ABL1: variants seen among roughly 807,000 people sequenced by gnomAD.
The protein encoded by ABL1 is tyrosine-protein kinase ABL1.
A neutral mutation model predicts 94.7 loss-of-function variants in ABL1; 11 were observed. The ratio of observed to expected loss-of-function variants is 0.12; its 90% CI spans 0.07 to 0.19. The LOEUF is 0.19. Ranked by LOEUF, ABL1 falls within the 10% of genes least tolerant of loss-of-function variation. The pLI is 1.00. For synonymous variants in ABL1, 656 were observed against 622.4 expected, an observed-to-expected ratio of 1.05 and a Z score of -0.80; for missense variants, 1,082 against 1,489.4, an observed-to-expected ratio of 0.73 and a Z score of 4.50.
rs893485203 is a variant in ABL1, at chr9:130,732,432, T to C, written c.136+17977T>C. On this transcript the variant is annotated intron_variant, in intron 1 of 10. Transcript: ENST00000372348. ...TGTTAAGCAGTGGAGAGACCCCTGGTGGAGCCAGCAGTATCCTTTATCTAT... is the reference window on the plus strand; with the variant it reads ...TGTTAAGCAGTGGAGAGACCCCTGGCGGAGCCAGCAGTATCCTTTATCTAT... Among the ~76,000 whole-genome samples, 7 of 152,260 alleles carry C rather than the reference T, an allele frequency of 4.6e-5. No individual in the cohort carries two copies. The East Asian group carries it at 1.3e-3, about 29-fold the overall frequency.
intron 1 of ABL1, among the ~76,000 whole-genome samples, chr9:130,740,513 T>C (rs1305799452): frequency 6.6e-6 from 1 of 152,238 alleles, no homozygotes; most frequent in Admixed American, 6.5e-5. Flanking sequence ...TTGGCTCCAT[T>C]TTTCCATCGG....
At chr9:130,722,518 C>G (rs1205364862) in intron 1 of ABL1, among the ~76,000 whole-genome samples, 2 of 152,128 alleles carry the variant, frequency 1.3e-5, no homozygotes, top group African/African-American at 4.8e-5. Context: ...GAGACAGGGT[C>G]TTGCTTTGTC....
intron 1 of ABL1, among the ~76,000 whole-genome samples, chr9:130,724,032 G>A (rs1020568539): frequency 6.6e-6 from 1 of 152,024 alleles, no homozygotes; most frequent in Non-Finnish European, 1.5e-5. Context: ...GTATGGTCTC[G>A]ATCTCCTGAC....
At chr9:130,784,899 G>C (rs1829806306) in intron 1 of ABL1, among the ~76,000 whole-genome samples, 1 of 152,202 alleles carries the variant, frequency 6.6e-6, no homozygotes, top group African/African-American at 2.4e-5. Context: ...AGCCATCCGT[G>C]TTGGGATGAG....
chr9:130,725,314 A>T (rs978025442), intron 1 of ABL1, among the ~76,000 whole-genome samples: 1 of 152,172 alleles, frequency 6.6e-6, no homozygotes, highest in African/African-American at 2.4e-5. Flanking sequence ...CTAGGACTTC[A>T]TATAACTATA....
chr9:130,786,327 G>T (rs934792673), intron 1 of ABL1, among the ~76,000 whole-genome samples: 5 of 152,194 alleles, frequency 3.3e-5, no homozygotes, highest in Non-Finnish European at 7.4e-5. Flanking sequence ...TAGATAAGGA[G>T]GTGGTTCAGA....
At position 130,835,845 on chromosome 9, in the gene ABL1, G is replaced by C. The variant is rs1206146985; in HGVS notation, c.79+320G>C. Among the ~76,000 whole-genome samples the C allele has an allele frequency of 6.6e-6, 1 of 152,246 alleles. No individual in the cohort carries two copies. The highest frequency in any genetic ancestry group is 1.9e-4 in the East Asian group (1 of 5,200). On this transcript the variant is annotated intron_variant, in intron 1 of 10. Transcript: ENST00000318560. The surrounding 1 kb of genome is among the most constrained non-coding windows in gnomAD (Gnocchi z 4.6). ...CAGCCCCGGCACCAGCCCCGGTAGA[G>C]CCACGCCGGATGGTGACGGCGGCGT...
At chr9:130,834,880 C>G, upstream of ABL1, 1 of 455,968 alleles carries the variant, frequency 2.2e-6, no homozygotes, top group Non-Finnish European at 4.4e-6. Flanking sequence ...CCAGCGTTCT[C>G]GGGTCAGAGG....
At position 130,884,601 on chromosome 9, in the gene ABL1, A is replaced by G. The variant is rs894289172; in HGVS notation, c.2311A>G (p.Arg771Gly). Reference sequence around the variant, plus strand: ...GCCTCGGAAGAGGGCAGGGGAGAACAGGTCTGACCAGGTGACCCGAGGCAC... The same window carrying G: ...GCCTCGGAAGAGGGCAGGGGAGAACGGGTCTGACCAGGTGACCCGAGGCAC... ...ALPRKRAGEN[R>G]SDQVTRGTVT... is the part of the protein sequence containing the mutation. Residue 771 changes from arginine (R) to glycine (G), a missense_variant, in exon 11 of 11, where the codon AGG becomes GGG. Arg to Gly is a moderately radical substitution (Grantham distance 125, BLOSUM62 -2). This residue lies in a region of ABL1 where 780 missense variants were observed against 835.8 expected (regional missense o/e 0.93). Coordinates refer to ENST00000318560, the MANE Select transcript of ABL1 (RefSeq NM_005157.6). This position sits in a 1 kb window ranked among gnomAD's most constrained non-coding sequence, Gnocchi z 5.6. 6 of 1,613,386 alleles carry G rather than the reference A, an allele frequency of 3.7e-6. No individual in the cohort carries two copies. The highest frequency in any genetic ancestry group is 1.3e-5 in the African/African-American group (1 of 75,066).
In ABL1 at chr9:130,798,739, C is replaced by T. The variant is rs990267212; in HGVS notation, c.137-55325C>T. On this transcript the variant is annotated intron_variant, in intron 1 of 10. Coordinates refer to the ABL1 transcript ENST00000372348. ...ATCCTGGGACTTTGGGAGGCTGAGGCGGGTGGATCACGAGGTCAGGAGTTT... is the reference window on the plus strand; with the variant it reads ...ATCCTGGGACTTTGGGAGGCTGAGGTGGGTGGATCACGAGGTCAGGAGTTT... 6.7e-4 allele frequency among the ~76,000 whole-genome samples: 102 copies of T among 151,974 alleles called. 1 individual carries two copies. Among genetic ancestry groups the T allele is most frequent in the African/African-American group, 2.4e-3 (101 of 41,440 alleles).
At chr9:130,870,807 G>A (rs1033368055) in intron 4 of ABL1, among the ~76,000 whole-genome samples, 2 of 152,186 alleles carry the variant, frequency 1.3e-5, no homozygotes, top group African/African-American at 4.8e-5. Context: ...GCCTCACGGA[G>A]CCCTGAGCTA....
chr9:130,825,107 A>G (rs1308756052), intron 1 of ABL1, among the ~76,000 whole-genome samples: 1 of 152,192 alleles, frequency 6.6e-6, no homozygotes, highest in East Asian at 1.9e-4. Flanking sequence ...CATGGGGTAC[A>G]GCTCTAGGCT....
chr9:130,720,358 T>TTA (rs1468783084), intron 1 of ABL1, among the ~76,000 whole-genome samples: 1 of 152,060 alleles, frequency 6.6e-6, no homozygotes, highest in Non-Finnish European at 1.5e-5. Context: ...CGGCATTTGA[T>TTA]TAAAGACCCG....
chr9:130,854,313 T>G, intron 2 of ABL1, 76 bp downstream of exon 2: 1 of 1,522,814 alleles, frequency 6.6e-7, no homozygotes, highest in Non-Finnish European at 8.9e-7. Flanking sequence ...CTACCACCCT[T>G]TGCTCGTTAA....
intron 8 of ABL1, 134 bp downstream of exon 8, chr9:130,878,701 G>T (rs1588280101): frequency 2.5e-5 from 27 of 1,095,980 alleles, no homozygotes; most frequent in Non-Finnish European, 1.3e-6. Context: ...TGCAGCTAAT[G>T]TAGCCATTTG....
chr9:130,791,122 G>A (rs1829903797), intron 1 of ABL1, among the ~76,000 whole-genome samples: 1 of 152,140 alleles, frequency 6.6e-6, no homozygotes, highest in Non-Finnish European at 1.5e-5. Context: ...TGAACCTATA[G>A]AACATCAAAA....
At chr9:130,874,126 A>C (rs1053317572) in intron 6 of ABL1, among the ~76,000 whole-genome samples, 1 of 152,182 alleles carries the variant, frequency 6.6e-6, no homozygotes, top group Non-Finnish European at 1.5e-5. Context: ...CGATCAGGCT[A>C]TCTCACGCAG....
At chr9:130,717,498 G>A (rs1475539046) in intron 1 of ABL1, among the ~76,000 whole-genome samples, 1 of 151,938 alleles carries the variant, frequency 6.6e-6, no homozygotes, top group Non-Finnish European at 1.5e-5. Flanking sequence ...GAGGTCAGGA[G>A]TTCGAACCCA....
chr9:130,869,423 A>G (rs1831215484), intron 4 of ABL1, among the ~76,000 whole-genome samples: 1 of 152,234 alleles, frequency 6.6e-6, no homozygotes, highest in Non-Finnish European at 1.5e-5. Flanking sequence ...TGTTGTGCAG[A>G]TGAGAAAACA....
Sources: gnomAD v4.1 joint callset for allele counts (sites outside exome capture counted in the v4.1 genomes callset) on GRCh38, gnomAD v4.1.1 for gene constraint, gnomAD v4.1.1 regional missense constraint, Gnocchi (gnomAD v3.1) non-coding constraint, MANE v1.5 for transcripts, NCBI Gene and HGNC (gene_info 2026-07-23, HGNC 2026-07-21) for gene names.